Variants in RAB12 observed in about 807,000 individuals in gnomAD.
RAB12 encodes RAB12, member RAS oncogene family, also known as ras-related protein Rab-12.
Under a neutral mutation model 28.4 loss-of-function variants are expected in RAB12, and 11 were observed. That is an observed-to-expected ratio of 0.39 (90% CI 0.24 to 0.64). The LOEUF (loss-of-function observed/expected upper bound fraction) is 0.64, where lower values mean the gene tolerates loss of function less well. Among genes scored for constraint, RAB12 ranks in the 30% least tolerant of loss-of-function variants. RAB12 has a pLI of 0.50. For synonymous variants in RAB12, 138 were observed against 145.3 expected (o/e 0.95, Z 0.36); for missense variants, 276 against 351.1 (o/e 0.79, Z 1.71).
intron 1 of RAB12, among the ~76,000 whole-genome samples, chr18:8,616,012 A>G (rs1024169110): frequency 6.6e-6 from 1 of 152,214 alleles, no homozygotes; most frequent in African/African-American, 2.4e-5. Flanking sequence ...GGTCCAAATT[A>G]TTCTCTATCC....
rs2096020822 is a variant in RAB12 at position 8,639,144 on chromosome 18, GTTCTTTTTTTTTTTTTTTTTTTTTTTTTT to G, written c.*885_*913del. 1.2e-4 allele frequency: 2 copies of G among 16,560 alleles called. No individual in the cohort carries two copies. The highest frequency in any genetic ancestry group is 2.3e-3 in the East Asian group (1 of 426). 1.0% of individuals were successfully genotyped at this position (16,560 alleles called of 1,614,324 possible). On this transcript the variant is annotated 3_prime_UTR_variant, in exon 6 of 6. Transcript: ENST00000649141. ...CTTATTCTGATTAAGCCTAGACTGTGTTCTTTTTTTTTTTTTTTTTTTTTTTTTTTTTTTTTTTTTTTTTTTTTGGTCTG... is the reference window on the plus strand; with the variant it reads ...CTTATTCTGATTAAGCCTAGACTGTGTTTTTTTTTTTTTTTTTTTGGTCTG...
chr18:8,628,364 G>A (rs2096014030), intron 2 of RAB12, among the ~76,000 whole-genome samples: 1 of 152,178 alleles, frequency 6.6e-6, no homozygotes, highest in Non-Finnish European at 1.5e-5. Context: ...GTATGTAAGG[G>A]AAATAAATCA....
chr18:8,609,712 G>T lies in RAB12; in HGVS notation c.273G>T (p.Arg91=). 1 of 1,072,468 alleles carries T rather than the reference G, an allele frequency of 9.3e-7. No individual in the cohort carries two copies. Among genetic ancestry groups the T allele is most frequent in the Middle Eastern group, 4.2e-4 (1 of 2,388 alleles). The allele number at this position is 1,072,468 out of a possible 1,614,324, so 66.4% of individuals were successfully genotyped here. Residue 91 remains arginine, a synonymous_variant, in exon 1 of 6, where the codon CGG becomes CGT. Transcript: ENST00000649141. ...GCGGCGGCGGGCGGCGGGCCGAGCG[G>T]GAGCCGCATGCGTGTATGGATCCGG... ...GAGGGGRRAE[R]EPHACMDPGA...
chr18:8,615,237 G>C (rs1287944770), intron 1 of RAB12, among the ~76,000 whole-genome samples: 10 of 152,184 alleles, frequency 6.6e-5, no homozygotes, highest in Non-Finnish European at 1.5e-4. Flanking sequence ...GTCTGCCCTT[G>C]AATGTTAGGC....
intron 1 of RAB12, among the ~76,000 whole-genome samples, chr18:8,619,336 C>T (rs72936887): frequency 0.024 from 3,678 of 152,262 alleles, 72 homozygotes; most frequent in South Asian, 0.071. Context: ...AAAGAAGTTT[C>T]CGTGTGTTTT....
At position 8,609,631 on chromosome 18, in the gene RAB12, G is replaced by T; in HGVS notation, c.192G>T (p.Pro64=). 3.7e-6 allele frequency: 2 copies of T among 543,740 alleles called. No individual in the cohort carries two copies. The highest frequency in any genetic ancestry group is 4.7e-6 in the Non-Finnish European group (2 of 429,032). The allele number at this position is 543,740 out of a possible 1,614,324, so 33.7% of individuals were successfully genotyped here. A position where few individuals can be genotyped will look rare whatever the true frequency, so the allele number is the denominator to read the frequency against. The stretch of plus-strand genomic sequence containing the variant: ...AAGCCGAGCCCGGGGCCGACCCCCC[G>T]CGCGCGGCGGAGGCCGAGGGGGCGC... ...RAEAEPGADP[P]RAAEAEGAPG... is the part of the protein sequence containing the mutation. The change falls in exon 1 of 6, where the codon CCG becomes CCT. Residue 64 remains proline (P), a synonymous_variant. Transcript: ENST00000649141.
chr18:8,636,745 T>A (rs1241972422), intron 5 of RAB12, among the ~76,000 whole-genome samples: 2 of 152,218 alleles, frequency 1.3e-5, no homozygotes, highest in Non-Finnish European at 2.9e-5. Context: ...CCCGTGGTGC[T>A]GCGCTTGCAT....
At chr18:8,618,796 G>A (rs1042052267) in intron 1 of RAB12, among the ~76,000 whole-genome samples, 5 of 152,212 alleles carry the variant, frequency 3.3e-5, no homozygotes, top group Non-Finnish European at 1.5e-5. Context: ...ACAGGTGTGA[G>A]CCACCGTGCT....
intron 2 of RAB12, 84 bp downstream of exon 2, chr18:8,625,082 C>A: frequency 3.6e-6 from 3 of 833,550 alleles, no homozygotes; most frequent in Non-Finnish European, 5.8e-6. Flanking sequence ...ACTGTTTGAG[C>A]TGATTTGCCT....
intron 2 of RAB12, among the ~76,000 whole-genome samples, chr18:8,626,493 G>A (rs1021907020): frequency 6.6e-6 from 1 of 152,192 alleles, no homozygotes; most frequent in Admixed American, 6.5e-5. Context: ...ATCTTTGGCG[G>A]CAGTATTCTT....
chr18:8,613,264 G>T (rs1224909077), intron 1 of RAB12, among the ~76,000 whole-genome samples: 1 of 152,190 alleles, frequency 6.6e-6, no homozygotes, highest in African/African-American at 2.4e-5. Context: ...TAATTTACAA[G>T]TTCTTTTAAA....
intron 1 of RAB12, among the ~76,000 whole-genome samples, chr18:8,616,874 A>G (rs1353826756): frequency 6.6e-6 from 1 of 152,072 alleles, no homozygotes; most frequent in East Asian, 1.9e-4. Flanking sequence ...GGCTGCAGTG[A>G]GCAGTGATGA....
rs527379294 is a variant in RAB12 at position 8,622,694 on chromosome 18, C to T, written c.515-2244C>T. ...CAGGAGACAGGGTTTTGAGAGCAAC[C>T]GGTCTGACCCAAATTTATTAGGTGG... On this transcript the variant is annotated intron_variant, in intron 1 of 5. Transcript: ENST00000649141. 4.7e-4 allele frequency among the ~76,000 whole-genome samples: 72 copies of T among 152,260 alleles called. 1 individual carries two copies. In the East Asian group the frequency reaches 5.0e-3, roughly 11 times the overall value.
At chr18:8,622,460 C>A (rs2096010426) in intron 1 of RAB12, among the ~76,000 whole-genome samples, 1 of 152,116 alleles carries the variant, frequency 6.6e-6, no homozygotes, top group Non-Finnish European at 1.5e-5. Flanking sequence ...TTCCGTGATG[C>A]CCCACAAGCC....
intron 2 of RAB12, among the ~76,000 whole-genome samples, chr18:8,625,940 G>C (rs887538423): frequency 1.3e-5 from 2 of 152,190 alleles, no homozygotes; most frequent in African/African-American, 4.8e-5. Context: ...CCGTGTCCCT[G>C]TCTGGGCCGC....
Position 8,636,319 on chromosome 18 carries a change from G to A in RAB12, c.871G>A (p.Glu291Lys), listed in dbSNP as rs772846919. 5.0e-6 allele frequency: 8 copies of A among 1,610,930 alleles called. No homozygotes were observed. The highest frequency in any genetic ancestry group is 1.7e-5 in the Admixed American group (1 of 59,364). ...ASAKDNFNVD[E>K]IFLKLVDDIL... is the part of the protein sequence containing the mutation. ...TGCCAAGGATAACTTCAATGTGGAC[G>A]AGATATTTTTGAAACTTGTCGATGA... Residue 291 changes from glutamate to lysine, a missense_variant, in exon 5 of 6, where the codon GAG (glutamate) becomes AAG (lysine). By Grantham distance (56) the Glu-to-Lys change is moderately conservative. Coordinates refer to ENST00000649141, the MANE Select transcript of RAB12 (RefSeq NM_001025300.3).
At chr18:8,610,878 T>A (rs2096003411) in intron 1 of RAB12, among the ~76,000 whole-genome samples, 1 of 152,214 alleles carries the variant, frequency 6.6e-6, no homozygotes, top group Admixed American at 6.5e-5. Context: ...GGAGATTTGA[T>A]AGAATTAAAA....
intron 1 of RAB12, among the ~76,000 whole-genome samples, chr18:8,620,139 C>CTTTTTT (rs71165795): frequency 0.061 from 3,282 of 53,390 alleles, 190 homozygotes; most frequent in Middle Eastern, 0.12. Context: ...TTTTCTTCTT[C>CTTTTTT]TTTTTTTTTT....
chr18:8,610,154 G>C lies in RAB12; in HGVS notation c.514+201G>C, dbSNP rs2096002906. 15 of 493,972 alleles carry C rather than the reference G, an allele frequency of 3.0e-5. 1 individual carries two copies. The highest frequency in any genetic ancestry group is 4.7e-5 in the Non-Finnish European group (13 of 276,516). 30.6% of individuals were successfully genotyped at this position (493,972 alleles called of 1,614,324 possible). A position where few individuals can be genotyped will look rare whatever the true frequency, so the allele number is the denominator to read the frequency against. ...GAGGTTTTCGTGCCGCCTCCGGGCA[G>C]ACCTGCCCTTGGCCCCCGGCCCTGC... On this transcript the variant is annotated intron_variant, in intron 1 of 5. Transcript: ENST00000649141.
Sources: gnomAD v4.1 joint callset for allele counts (sites outside exome capture counted in the v4.1 genomes callset) on GRCh38, gnomAD v4.1.1 for gene constraint, MANE v1.5 for transcripts, NCBI Gene and HGNC (gene_info 2026-07-23, HGNC 2026-07-21) for gene names.